AKAP6: variants seen among roughly 807,000 people sequenced by gnomAD.
AKAP6 encodes the protein A-kinase anchoring protein 6, also known as A-kinase anchor protein 6.
Under a neutral mutation model 188.5 loss-of-function variants are expected in AKAP6, and 58 were observed. The observed-to-expected ratio is 0.31, with a 90% confidence interval of 0.25 to 0.38. The LOEUF is 0.38. Among genes scored for constraint, AKAP6 ranks in the 10% least tolerant of loss-of-function variants. The pLI, the probability that AKAP6 is intolerant of heterozygous loss-of-function variation, is 1.00. For missense variants in AKAP6, 2,710 were observed against 2,740.0 expected, an observed-to-expected ratio of 0.99 and a Z score of 0.24; for synonymous variants, 989 against 998.6, an observed-to-expected ratio of 0.99 and a Z score of 0.18.
At chr14:32,415,902 T>G (rs1433502663) in intron 1 of AKAP6, among the ~76,000 whole-genome samples, 2 of 152,204 alleles carry the variant, frequency 1.3e-5, no homozygotes, top group Non-Finnish European at 2.9e-5. Context: ...TTCTGTCGTA[T>G]GTATATACCA....
At chr14:32,422,145 T>C (rs1191366227) in intron 1 of AKAP6, among the ~76,000 whole-genome samples, 3 of 152,196 alleles carry the variant, frequency 2.0e-5, no homozygotes, top group Admixed American at 6.5e-5. Flanking sequence ...ATTAATCTTC[T>C]TAACATATGA....
At chr14:32,522,049 T>C (rs563748129) in intron 2 of AKAP6, among the ~76,000 whole-genome samples, 66 of 152,304 alleles carry the variant, frequency 4.3e-4, no homozygotes, top group African/African-American at 1.5e-3. Context: ...TCTACAACCA[T>C]TTGATCTTTG....
Position 32,824,249 on chromosome 14 carries a change from T to G in AKAP6, c.6436T>G (p.Leu2146Val), listed in dbSNP as rs2034616319. Residue 2146 changes from leucine to valine, a missense_variant, in exon 13 of 14, where the codon TTA becomes GTA. Coordinates refer to ENST00000280979, the MANE Select transcript of AKAP6 (RefSeq NM_004274.5). ...PLPLDTTDSG[L>V]DDKEDIECFF... ...GCCACTAGACACCACTGACTCGGGC[T>G]TAGATGACAAGGAAGATATTGAATG... 1 of 1,613,826 alleles carries G rather than the reference T, an allele frequency of 6.2e-7. No individual in the cohort carries two copies. Among genetic ancestry groups the G allele is most frequent in the African/African-American group, 1.3e-5 (1 of 74,900 alleles).
chr14:32,375,138 G>T (rs1210702080), intron 1 of AKAP6, among the ~76,000 whole-genome samples: 1 of 152,182 alleles, frequency 6.6e-6, no homozygotes, highest in Non-Finnish European at 1.5e-5. Context: ...GGAATCAGTG[G>T]ATCAGTTGAT....
intron 7 of AKAP6, among the ~76,000 whole-genome samples, chr14:32,651,966 G>C (rs1299350817): frequency 6.6e-6 from 1 of 151,896 alleles, no homozygotes; most frequent in Non-Finnish European, 1.5e-5. Flanking sequence ...TAGACCATCT[G>C]TTCTTCCTTA....
chr14:32,396,432 T>A (rs1888881629), intron 1 of AKAP6, among the ~76,000 whole-genome samples: 1 of 152,186 alleles, frequency 6.6e-6, no homozygotes. Flanking sequence ...TCTTTTGCCA[T>A]CTACCCCATT....
chr14:32,836,236 G>C lies in AKAP6; in HGVS notation c.*6431G>C, dbSNP rs1480130060. The C allele has an allele frequency of 7.7e-6, 1 of 129,720 alleles. No homozygotes were observed. Among genetic ancestry groups the C allele is most frequent in the East Asian group, 2.1e-4 (1 of 4,706 alleles). The allele number at this position is 129,720 out of a possible 1,614,324, so 8.0% of individuals were successfully genotyped here. A position where few individuals can be genotyped will look rare whatever the true frequency, so the allele number is the denominator to read the frequency against. ...AGAATTTACTGCTCAAAGTTCTGGA[G>C]ACTGGGAAGTTCAAGATCAAGATGC... On this transcript the variant is annotated 3_prime_UTR_variant, in exon 14 of 14. Coordinates refer to ENST00000280979, the MANE Select transcript of AKAP6 (RefSeq NM_004274.5).
chr14:32,389,725 G>A (rs1044733919), intron 1 of AKAP6, among the ~76,000 whole-genome samples: 2 of 152,108 alleles, frequency 1.3e-5, no homozygotes, highest in African/African-American at 2.4e-5. Context: ...CTGTTAATCC[G>A]ATAGGTTTTC....
At chr14:32,349,008 C>A (rs867034370) in intron 1 of AKAP6, among the ~76,000 whole-genome samples, 18 of 152,116 alleles carry the variant, frequency 1.2e-4, no homozygotes, top group African/African-American at 4.1e-4. Context: ...GGTAGAGGCA[C>A]CATTTAAATC....
intron 4 of AKAP6, among the ~76,000 whole-genome samples, chr14:32,551,496 C>T (rs908935892): frequency 2.1e-5 from 3 of 145,700 alleles, no homozygotes; most frequent in East Asian, 2.1e-4. Context: ...TGCTTGAACC[C>T]GGGAGGTGGA....
At chr14:32,388,653 A>G (rs1888610176) in intron 1 of AKAP6, among the ~76,000 whole-genome samples, 1 of 152,032 alleles carries the variant, frequency 6.6e-6, no homozygotes, top group Non-Finnish European at 1.5e-5. Context: ...ATGTATTTGC[A>G]TGGTTTTGAA....
intron 12 of AKAP6, among the ~76,000 whole-genome samples, chr14:32,817,834 G>A (rs1436574444): frequency 1.3e-5 from 2 of 152,144 alleles, no homozygotes; most frequent in Non-Finnish European, 2.9e-5. Flanking sequence ...ATTATTGGTT[G>A]TGTTGGGCTA....
At chr14:32,600,424 T>A (rs984225527) in intron 6 of AKAP6, among the ~76,000 whole-genome samples, 1 of 152,224 alleles carries the variant, frequency 6.6e-6, no homozygotes, top group Admixed American at 6.5e-5. Flanking sequence ...ATCTATGTGG[T>A]TATCACATTT....
intron 2 of AKAP6, among the ~76,000 whole-genome samples, chr14:32,489,982 T>C (rs1209138932): frequency 6.6e-6 from 1 of 152,066 alleles, no homozygotes; most frequent in African/African-American, 2.4e-5. Flanking sequence ...GGTTTTGGGA[T>C]AGGCAGTGGA....
chr14:32,462,033 A>G (rs989307597), intron 2 of AKAP6, among the ~76,000 whole-genome samples: 3 of 152,014 alleles, frequency 2.0e-5, no homozygotes, highest in African/African-American at 7.2e-5. Flanking sequence ...TTAGAGGAAA[A>G]AGAATGAAAA....
intron 2 of AKAP6, among the ~76,000 whole-genome samples, chr14:32,483,698 G>A (rs1030195478): frequency 3.9e-5 from 6 of 151,954 alleles, no homozygotes; most frequent in Admixed American, 2.0e-4. Context: ...TGGTCAGGCT[G>A]GTCTTGAACT....
chr14:32,745,464 TCTCTCTCTCTC>T (rs2031858283), intron 11 of AKAP6, among the ~76,000 whole-genome samples: 1 of 4,084 alleles, frequency 2.4e-4, no homozygotes, highest in East Asian at 9.1e-3. Flanking sequence ...TTATTCATTC[TCTCTCTCTCTC>T]TCTCTCTCTC....
chr14:32,548,093 CTTTTT>C (rs71115082), intron 4 of AKAP6, among the ~76,000 whole-genome samples: 1 of 104,236 alleles, frequency 9.6e-6, no homozygotes, highest in Non-Finnish European at 1.9e-5. Context: ...CTCCCACATG[CTTTTT>C]TTTTTTTTTT....
chr14:32,583,471 C>T (rs1018928576), intron 5 of AKAP6, among the ~76,000 whole-genome samples: 1 of 152,082 alleles, frequency 6.6e-6, no homozygotes, highest in Non-Finnish European at 1.5e-5. Context: ...GCAGTCTTCC[C>T]GTTCTCAGAT....
Sources: allele counts gnomAD v4.1 joint callset (sites outside exome capture counted in the v4.1 genomes callset), GRCh38; gene constraint gnomAD v4.1.1; transcripts MANE v1.5; gene names NCBI Gene and HGNC (gene_info 2026-07-23, HGNC 2026-07-21).